GON4L: variants seen among roughly 807,000 people sequenced by gnomAD.
The protein encoded by GON4L is GON-4-like protein.
Under a neutral mutation model 211.8 loss-of-function variants are expected in GON4L, and 87 were observed. The observed-to-expected ratio is 0.41, with a 90% confidence interval of 0.35 to 0.49. The LOEUF (loss-of-function observed/expected upper bound fraction) is 0.49. Among genes scored for constraint, GON4L ranks in the 20% least tolerant of loss-of-function variants. GON4L has a pLI of 0.15. For missense variants in GON4L, 2,155 were observed against 2,659.5 expected, an observed-to-expected ratio of 0.81 and a Z score of 4.17; for synonymous variants, 875 against 962.6, an observed-to-expected ratio of 0.91 and a Z score of 1.68.
chr1:155,836,716 G>T (rs1326487010), intron 2 of GON4L, among the ~76,000 whole-genome samples: 2 of 152,186 alleles, frequency 1.3e-5, no homozygotes, highest in African/African-American at 4.8e-5. Context: ...CACGTCCTTT[G>T]TAATTTACTT....
At position 155,815,825 on chromosome 1, in the gene GON4L, C is replaced by T. The variant is rs1178217574; in HGVS notation, c.1141G>A (p.Glu381Lys). 2 of 1,603,092 alleles carry T rather than the reference C, an allele frequency of 1.2e-6. No individual in the cohort carries two copies. Among genetic ancestry groups the T allele is most frequent in the Admixed American group, 1.7e-5 (1 of 59,970 alleles). ...CTGACCTCTTCAGCAGTTTCATCTT[C>T]TTCTTCATCATCCGGCTGGTATTCT... is the stretch of plus-strand genomic sequence containing the variant. ...DEEYQPDDEE[E>K]DETAEESLLE... is the part of the protein sequence containing the mutation. The change falls in exon 8 of 32, where the codon GAA becomes AAA. Residue 381 changes from glutamate (E) to lysine (K), a missense_variant. This residue lies in a region of GON4L where 551 missense variants were observed against 854.0 expected (regional missense o/e 0.65). Coordinates refer to ENST00000368331, the MANE Select transcript of GON4L (RefSeq NM_001282860.2).
rs1204075214 is a variant in GON4L, at chr1:155,842,449, G to A, written c.505+10827C>T. Among the ~76,000 whole-genome samples, 5 of 151,092 alleles carry A rather than the reference G, an allele frequency of 3.3e-5. 1 individual carries two copies. The highest frequency in any genetic ancestry group is 1.3e-4 in the Admixed American group (2 of 15,168). ...TGAGGCAGGAGAATGGTGTGAACCC[G>A]GGAGGTGGAGGTTGCAGTGAGCCGA... On this transcript the variant is annotated intron_variant, in intron 2 of 31. Transcript: ENST00000368331.
At chr1:155,821,798 T>C (rs565166253) in intron 4 of GON4L, among the ~76,000 whole-genome samples, 2 of 152,208 alleles carry the variant, frequency 1.3e-5, no homozygotes, top group African/African-American at 2.4e-5. Flanking sequence ...GGAACAGGAA[T>C]GGCTCACATA....
rs574281204 is a variant in GON4L at position 155,781,111 on chromosome 1, G to A, written c.1892+2875C>T. Among the ~76,000 whole-genome samples the A allele has an allele frequency of 3.0e-4, 45 of 151,872 alleles. No individual in the cohort carries two copies. In the South Asian group the frequency reaches 7.9e-3, roughly 27 times the overall value. On this transcript the variant is annotated intron_variant, in intron 14 of 31. Coordinates refer to ENST00000368331, the MANE Select transcript of GON4L (RefSeq NM_001282860.2). ...TAGGTAATGAAAACATAGCCTGCACGTAGTTGTATTTTTTATTATTATTAT... is the reference window on the plus strand; with the variant it reads ...TAGGTAATGAAAACATAGCCTGCACATAGTTGTATTTTTTATTATTATTAT...
intron 2 of GON4L, among the ~76,000 whole-genome samples, chr1:155,852,532 G>C (rs1671888322): frequency 6.6e-6 from 1 of 150,376 alleles, no homozygotes; most frequent in African/African-American, 2.4e-5. Context: ...ACGAGGTCAG[G>C]AGACTGAGAC....
At chr1:155,776,979 C>T (rs1663881114) in intron 15 of GON4L, among the ~76,000 whole-genome samples, 1 of 152,130 alleles carries the variant, frequency 6.6e-6, no homozygotes, top group African/African-American at 2.4e-5. Context: ...AACAAAATGA[C>T]AGAACCAGAG....
upstream of GON4L, chr1:155,859,412 G>C (rs1047108462): frequency 5.0e-6 from 1 of 200,762 alleles, no homozygotes; most frequent in East Asian, 1.2e-4. Flanking sequence ...TTCCTGAAGG[G>C]GGCGAGGGCT....
intron 13 of GON4L, chr1:155,784,355 C>G: frequency 1.2e-5 from 2 of 165,074 alleles, no homozygotes; most frequent in Non-Finnish European, 2.3e-5. Context: ...CAATCTCTCT[C>G]TCCTTTTTTT....
intron 12 of GON4L, among the ~76,000 whole-genome samples, chr1:155,791,613 A>G (rs1386051788): frequency 6.6e-6 from 1 of 151,958 alleles, no homozygotes; most frequent in Non-Finnish European, 1.5e-5. Context: ...CATGACTGTA[A>G]TCCCAACACT....
chr1:155,833,786 G>A (rs916884732), intron 2 of GON4L, among the ~76,000 whole-genome samples: 7 of 146,068 alleles, frequency 4.8e-5, no homozygotes, highest in Admixed American at 4.2e-4. Context: ...AGGGGGATGG[G>A]GGAGAGGAAA....
chr1:155,798,436 G>T, intron 11 of GON4L, among the ~76,000 whole-genome samples: 2 of 139,236 alleles, frequency 1.4e-5, no homozygotes, highest in Non-Finnish European at 1.5e-5. Flanking sequence ...TTGAGATGGA[G>T]TCTCACTCTG....
chr1:155,858,838 C>T (rs1392720524), upstream of GON4L, among the ~76,000 whole-genome samples: 1 of 151,460 alleles, frequency 6.6e-6, no homozygotes, highest in African/African-American at 2.4e-5. Context: ...TCCCAAGTAG[C>T]GTGTGCCACC....
chr1:155,834,226 G>A (rs865962238), intron 2 of GON4L, among the ~76,000 whole-genome samples: 1 of 151,984 alleles, frequency 6.6e-6, no homozygotes, highest in Non-Finnish European at 1.5e-5. Context: ...CTTTTTCTCA[G>A]GTATTATCCT....
chr1:155,751,681 A>G, intron 31 of GON4L, 86 bp downstream of exon 31: 1 of 889,882 alleles, frequency 1.1e-6, no homozygotes, highest in Non-Finnish European at 1.8e-6. Context: ...TATCTTGGAT[A>G]TCAAAACTCC....
chr1:155,777,523 G>A, intron 15 of GON4L, 99 bp downstream of exon 15: 1 of 897,030 alleles, frequency 1.1e-6, no homozygotes, highest in South Asian at 1.3e-5. Context: ...AGGTTGAAGT[G>A]AGCCGATATC....
intron 12 of GON4L, 35 bp downstream of exon 12, chr1:155,795,015 G>A: frequency 8.6e-7 from 1 of 1,165,136 alleles, no homozygotes; most frequent in Non-Finnish European, 1.3e-6. Flanking sequence ...CTGCAAAGCA[G>A]TCAAGAGCAG....
At chr1:155,835,439 G>A (rs1363511743) in intron 2 of GON4L, among the ~76,000 whole-genome samples, 1 of 149,124 alleles carries the variant, frequency 6.7e-6, no homozygotes, top group Non-Finnish European at 1.5e-5. Flanking sequence ...CCCCCTCTGC[G>A]AGAAACACCC....
At chr1:155,773,513 C>T in intron 17 of GON4L, 1 of 362,298 alleles carries the variant, frequency 2.8e-6, no homozygotes. Context: ...ATAGCGTATG[C>T]TCAAAAATGT....
intron 8 of GON4L, 63 bp downstream of exon 8, chr1:155,815,742 A>G: frequency 1.1e-6 from 1 of 937,512 alleles, no homozygotes; most frequent in Non-Finnish European, 1.8e-6. Flanking sequence ...AAGTGACATT[A>G]CTAAGGAAGC....
Sources: gnomAD v4.1 joint callset for allele counts (sites outside exome capture counted in the v4.1 genomes callset) on GRCh38, gnomAD v4.1.1 for gene constraint, gnomAD v4.1.1 regional missense constraint, MANE v1.5 for transcripts, NCBI Gene and HGNC (gene_info 2026-07-23, HGNC 2026-07-21) for gene names.